Variants in PDE10A observed in about 807,000 individuals in gnomAD.
PDE10A encodes phosphodiesterase 10A, also known as cAMP and cAMP-inhibited cGMP 3',5'-cyclic phosphodiesterase 10A.
In PDE10A, 39 loss-of-function variants were observed where a neutral mutation model predicts 97.7. The observed-to-expected ratio is 0.40, with a 90% CI of 0.31 to 0.52. PDE10A has a LOEUF of 0.52. Among genes scored for constraint, PDE10A ranks in the 20% least tolerant of loss-of-function variants. The pLI, the probability that PDE10A is intolerant of heterozygous loss-of-function variation, is 0.56. For synonymous variants in PDE10A, 371 were observed against 376.8 expected, an observed-to-expected ratio of 0.98 and a Z score of 0.18; for missense variants, 731 against 1,047.8, an observed-to-expected ratio of 0.70 and a Z score of 4.17.
At chr6:165,722,279 C>T (rs75775491) in intron 1 of PDE10A, among the ~76,000 whole-genome samples, 1,600 of 152,288 alleles carry the variant, frequency 0.011, 31 homozygotes, top group African/African-American at 0.037. Flanking sequence ...CTCCTTTCAC[C>T]CAGCACTGCT....
intron 13 of PDE10A, among the ~76,000 whole-genome samples, chr6:165,400,026 C>G (rs1786518722): frequency 6.6e-6 from 1 of 152,120 alleles, no homozygotes. Flanking sequence ...TAGGACCACA[C>G]AGACGGTCAG....
chr6:165,479,632 C>CG (rs1013272895), intron 3 of PDE10A, among the ~76,000 whole-genome samples: 3 of 152,184 alleles, frequency 2.0e-5, no homozygotes, highest in African/African-American at 2.4e-5. Flanking sequence ...TGTACACAAA[C>CG]ACACATATAC....
At chr6:165,486,370 T>C (rs561901137) in intron 2 of PDE10A, among the ~76,000 whole-genome samples, 135 of 152,328 alleles carry the variant, frequency 8.9e-4, no homozygotes, top group African/African-American at 3.0e-3. Flanking sequence ...TGGATGGCTT[T>C]CTGGTTTCAC....
intron 5 of PDE10A, among the ~76,000 whole-genome samples, chr6:165,439,316 T>C (rs1790264934): frequency 6.6e-6 from 1 of 152,154 alleles, no homozygotes. Context: ...ACTGTATAAA[T>C]ATATAAAAAC....
intron 13 of PDE10A, among the ~76,000 whole-genome samples, chr6:165,409,313 G>A (rs1175901660): frequency 2.0e-5 from 3 of 152,168 alleles, no homozygotes; most frequent in Non-Finnish European, 4.4e-5. Flanking sequence ...TTGGGAGGCC[G>A]AGGCAGGCGG....
intron 1 of PDE10A, among the ~76,000 whole-genome samples, chr6:165,886,855 G>C (rs1176240411): frequency 6.6e-6 from 1 of 152,210 alleles, no homozygotes. Flanking sequence ...CTAAGCATGA[G>C]CTCACACTGG....
chr6:165,613,547 G>T (rs1455723188), intron 1 of PDE10A, among the ~76,000 whole-genome samples: 1 of 152,022 alleles, frequency 6.6e-6, no homozygotes, highest in African/African-American at 2.4e-5. Context: ...GCTAAGGTGT[G>T]GGGGGATTCC....
intron 2 of PDE10A, 62 bp downstream of exon 2, chr6:165,543,378 C>T: frequency 7.0e-7 from 1 of 1,428,430 alleles, no homozygotes; most frequent in Admixed American, 2.0e-5. Context: ...ATATTAAATG[C>T]TTAGTCTTTT....
intron 1 of PDE10A, among the ~76,000 whole-genome samples, chr6:165,561,236 G>A (rs1784508774): frequency 6.6e-6 from 1 of 151,054 alleles, no homozygotes; most frequent in South Asian, 2.1e-4. Flanking sequence ...AAAAAAAAGT[G>A]TGCAGCAGTA....
chr6:165,430,211 C>G lies in PDE10A; in HGVS notation c.1601+76G>C, dbSNP rs1789453519. 7 of 993,500 alleles carry G rather than the reference C, an allele frequency of 7.0e-6. No homozygotes were observed. The Middle Eastern group carries it at 8.5e-4, about 121-fold the overall frequency. 61.5% of individuals were successfully genotyped at this position (993,500 alleles called of 1,614,324 possible). A position where few individuals can be genotyped will look rare whatever the true frequency, so the allele number is the denominator to read the frequency against. On this transcript the variant is annotated intron_variant, in intron 9 of 21. Transcript: ENST00000539869. ...GTTATCAGCTGCAATAGACAATGGTCTATTTCTGCCACAGGCTGCCCTTAA... is the reference window on the plus strand; with the variant it reads ...GTTATCAGCTGCAATAGACAATGGTGTATTTCTGCCACAGGCTGCCCTTAA...
intron 2 of PDE10A, among the ~76,000 whole-genome samples, chr6:165,535,996 C>T (rs1273650189): frequency 2.0e-5 from 3 of 151,900 alleles, no homozygotes; most frequent in Middle Eastern, 6.8e-3. Context: ...AACAAAAGAC[C>T]CATAAAAGTC....
At chr6:165,895,529 A>G (rs1407745473) in intron 1 of PDE10A, among the ~76,000 whole-genome samples, 1 of 152,198 alleles carries the variant, frequency 6.6e-6, no homozygotes, top group East Asian at 1.9e-4. Context: ...TGTTGCTTTA[A>G]GCCACCTGGC....
In PDE10A at chr6:165,328,833, A is replaced by G. The variant is rs1781188289; in HGVS notation, c.*4192T>C. On this transcript the variant is annotated 3_prime_UTR_variant, in exon 22 of 22. Coordinates refer to ENST00000539869, the MANE Select transcript of PDE10A (RefSeq NM_001385079.1). The stretch of plus-strand genomic sequence containing the variant: ...ACCAAAATATTCCGTTGGAAAAAAG[A>G]CAAAAAAGTGTGCACTGCATTGGAT... 6.6e-6 allele frequency: 1 copy of G among 152,254 alleles called. No homozygotes were observed. Among genetic ancestry groups the G allele is most frequent in the Non-Finnish European group, 1.5e-5 (1 of 68,048 alleles). 9.4% of individuals were successfully genotyped at this position (152,254 alleles called of 1,614,324 possible).
At chr6:165,701,787 G>GTGCATGTGTGTGTGTGTT (rs1192687270) in intron 1 of PDE10A, among the ~76,000 whole-genome samples, 4 of 151,658 alleles carry the variant, frequency 2.6e-5, no homozygotes, top group Non-Finnish European at 4.4e-5. Flanking sequence ...GTGTGTGTGT[G>GTGCATGTGTGTGTGTGTT]TGCATGTGTG....
intron 1 of PDE10A, among the ~76,000 whole-genome samples, chr6:165,852,183 G>A (rs1780590610): frequency 1.3e-5 from 2 of 152,178 alleles, no homozygotes; most frequent in Admixed American, 1.3e-4. Context: ...GGCTCTCTTA[G>A]AAGCCTGTGA....
intron 13 of PDE10A, among the ~76,000 whole-genome samples, chr6:165,404,446 A>C (rs1187741609): frequency 1.3e-5 from 2 of 152,090 alleles, no homozygotes; most frequent in Non-Finnish European, 2.9e-5. Context: ...CCATCCATTG[A>C]GAATATGGAA....
chr6:165,831,371 C>CAAA lies in PDE10A; in HGVS notation c.-615+156155_-615+156157dup, dbSNP rs760962725. Among the ~76,000 whole-genome samples the CAAA allele has an allele frequency of 3.0e-3, 134 of 44,766 alleles. 5 individuals carry two copies. Among genetic ancestry groups the CAAA allele is most frequent in the African/African-American group, 3.5e-3 (39 of 11,170 alleles). The allele number at this position is 44,766 out of a possible 152,430, so 29.4% of individuals were successfully genotyped here. A position where few individuals can be genotyped will look rare whatever the true frequency, so the allele number is the denominator to read the frequency against. On this transcript the variant is annotated intron_variant, in intron 1 of 19. Coordinates refer to the PDE10A transcript ENST00000366882. ...TGGGCGAGAGAGCGAGACTCTGTCTCAAAAAAAAAAAAAAAAAAAAAAAAA... is the reference window on the plus strand; with the variant it reads ...TGGGCGAGAGAGCGAGACTCTGTCTCAAAAAAAAAAAAAAAAAAAAAAAAAAAA...
At chr6:165,500,036 C>T (rs373168678) in intron 2 of PDE10A, among the ~76,000 whole-genome samples, 12 of 152,252 alleles carry the variant, frequency 7.9e-5, no homozygotes, top group African/African-American at 2.6e-4. Flanking sequence ...GAGAACAAGG[C>T]AAGAGCATCT....
At chr6:165,457,189 A>T (rs1359814132) in intron 3 of PDE10A, among the ~76,000 whole-genome samples, 1 of 152,198 alleles carries the variant, frequency 6.6e-6, no homozygotes, top group Non-Finnish European at 1.5e-5. Context: ...CAATTACAAT[A>T]AGTATACTAA....
Sources: gnomAD v4.1 joint callset for allele counts (sites outside exome capture counted in the v4.1 genomes callset) on GRCh38, gnomAD v4.1.1 for gene constraint, MANE v1.5 for transcripts, NCBI Gene and HGNC (gene_info 2026-07-23, HGNC 2026-07-21) for gene names.